KCTD19: variants seen among roughly 807,000 people sequenced by gnomAD.
KCTD19 encodes potassium channel tetramerization domain containing 19.
In KCTD19, 67 loss-of-function variants were observed where a neutral mutation model predicts 103.5. That is an observed-to-expected ratio of 0.65 (90% CI 0.53 to 0.79). The LOEUF is 0.79. KCTD19 is among the 30% of genes least tolerant of loss of function. KCTD19 has a pLI of 0.00. For synonymous variants in KCTD19, 439 were observed against 452.2 expected (o/e 0.97, Z 0.37); for missense variants, 980 against 1,136.1 (o/e 0.86, Z 1.98).
chr16:67,298,427 C>T (rs562919576), intron 6 of KCTD19, among the ~76,000 whole-genome samples: 3 of 152,254 alleles, frequency 2.0e-5, no homozygotes, highest in South Asian at 2.1e-4. Context: ...GTCTCCAGGC[C>T]GTGTTTCCGG....
chr16:67,312,639 C>T (rs1419161742), intron 2 of KCTD19, among the ~76,000 whole-genome samples: 1 of 152,280 alleles, frequency 6.6e-6, no homozygotes, highest in Non-Finnish European at 1.5e-5. Context: ...ATCCTAACTC[C>T]TGATTTTCCT....
intron 1 of KCTD19, 132 bp from the exon 2 acceptor site, chr16:67,321,017 AC>A: frequency 1.2e-6 from 1 of 828,518 alleles, no homozygotes; most frequent in Non-Finnish European, 1.8e-6. Flanking sequence ...TAAGGAATTC[AC>A]CAGAAAACTA....
At chr16:67,295,864 C>T in intron 8 of KCTD19, 1 of 390,336 alleles carries the variant, frequency 2.6e-6, no homozygotes, top group Non-Finnish European at 4.8e-6. Context: ...GGTGCTTCAG[C>T]CTCCCAAGTA....
chr16:67,294,132 C>T lies in KCTD19; in HGVS notation c.1630G>A (p.Asp544Asn), dbSNP rs2036735997. 1 of 1,609,662 alleles carries T rather than the reference C, an allele frequency of 6.2e-7. No individual in the cohort carries two copies. The highest frequency in any genetic ancestry group is 8.5e-7 in the Non-Finnish European group (1 of 1,176,386). Reference protein sequence around the residue: ...YMPVDFEDCSDRTPWNKAKGN... With the variant: ...YMPVDFEDCSNRTPWNKAKGN... ...TTAGCCTTGTTCCATGGAGTCCTGTCACTGCAGTCTTCGAAGTCCACAGGC... is the reference window on the plus strand; with the variant it reads ...TTAGCCTTGTTCCATGGAGTCCTGTTACTGCAGTCTTCGAAGTCCACAGGC... Residue 544 changes from aspartate to asparagine, a missense_variant, in exon 12 of 16, where the codon GAC becomes AAC. By Grantham distance (23) the Asp-to-Asn change is conservative (BLOSUM62 1). Transcript: ENST00000304372.
intron 1 of KCTD19, among the ~76,000 whole-genome samples, chr16:67,324,959 T>C (rs1393053842): frequency 6.6e-6 from 1 of 152,172 alleles, no homozygotes; most frequent in Non-Finnish European, 1.5e-5. Context: ...AAGTTCATGT[T>C]CAGGCAAAGG....
intron 2 of KCTD19, among the ~76,000 whole-genome samples, chr16:67,309,128 CAA>C (rs60872060): frequency 4.3e-4 from 33 of 75,876 alleles, no homozygotes; most frequent in Admixed American, 4.9e-4. Context: ...GACTTCAGCT[CAA>C]AAAAAAAAAA....
chr16:67,292,601 C>A (rs980584249), intron 12 of KCTD19, among the ~76,000 whole-genome samples: 1 of 152,152 alleles, frequency 6.6e-6, no homozygotes, highest in Non-Finnish European at 1.5e-5. Flanking sequence ...TCCAAGAAGG[C>A]CCCTCCAAGC....
At position 67,289,596 on chromosome 16, in the gene KCTD19, G is replaced by A; in HGVS notation, c.2754C>T (p.Ile918=). Reference sequence around the variant, plus strand: ...AGTCCTCTTGTAGGTACTTTCCCAGGATGGAGTAAGAGACAGACCTAGACA... The same window carrying A: ...AGTCCTCTTGTAGGTACTTTCCCAGAATGGAGTAAGAGACAGACCTAGACA... ...RGLSRSVSYS[I]LGKYLQED The change falls in exon 16 of 16, where the codon ATC becomes ATT. Residue 918 remains isoleucine, a synonymous_variant. Coordinates refer to ENST00000304372, the MANE Select transcript of KCTD19 (RefSeq NM_001100915.3). The A allele has an allele frequency of 5.0e-6, 8 of 1,613,630 alleles. No homozygotes were observed. Among genetic ancestry groups the A allele is most frequent in the Non-Finnish European group, 6.8e-6 (8 of 1,179,556 alleles).
Position 67,293,742 on chromosome 16 carries a change from T to G in KCTD19, c.2020A>C (p.Ser674Arg). ...GTGCTGGGCTGGGAAGCAGCCTCGC[T>G]TCCCAAGGGGAGCTGCAGGGTGGCC... ...EEATLQLPLGSEAASQPSTSA... is the reference protein window; with the variant it reads ...EEATLQLPLGREAASQPSTSA... Residue 674 changes from serine to arginine, a missense_variant, in exon 12 of 16, where the codon AGC becomes CGC. Physicochemically the swap from Ser to Arg is moderately radical, Grantham distance 110. Transcript: ENST00000304372. The surrounding 1 kb of genome is among the most constrained non-coding windows in gnomAD (Gnocchi z 4.0). 3.7e-6 allele frequency: 6 copies of G among 1,614,052 alleles called. No individual in the cohort carries two copies. The highest frequency in any genetic ancestry group is 5.1e-6 in the Non-Finnish European group (6 of 1,179,998).
At chr16:67,297,725 T>C in intron 6 of KCTD19, 62 bp from the exon 7 acceptor site, 1 of 1,533,250 alleles carries the variant, frequency 6.5e-7, no homozygotes, top group Non-Finnish European at 8.9e-7. Context: ...GAGTCGAGCC[T>C]GTAAACTTTC....
At chr16:67,314,551 TACA>T in intron 2 of KCTD19, among the ~76,000 whole-genome samples, 1 of 152,010 alleles carries the variant, frequency 6.6e-6, no homozygotes, top group Middle Eastern at 3.4e-3. Flanking sequence ...AATAGAATCA[TACA>T]ATATATGGTG....
At chr16:67,290,378 C>T (rs2036670309) in intron 15 of KCTD19, among the ~76,000 whole-genome samples, 2 of 152,044 alleles carry the variant, frequency 1.3e-5, no homozygotes, top group Admixed American at 1.3e-4. Context: ...CGGGGTTTCA[C>T]TGTGTTAGCC....
At chr16:67,292,629 T>C (rs2036712871) in intron 12 of KCTD19, among the ~76,000 whole-genome samples, 1 of 152,076 alleles carries the variant, frequency 6.6e-6, no homozygotes, top group African/African-American at 2.4e-5. Flanking sequence ...GAGCCACTAA[T>C]AGGGAAGGTG....
chr16:67,303,313 C>T lies in KCTD19; in HGVS notation c.476G>A (p.Gly159Glu), dbSNP rs1373082494. 6.2e-7 allele frequency: 1 copy of T among 1,612,698 alleles called. No individual in the cohort carries two copies. Among genetic ancestry groups the T allele is most frequent in the Non-Finnish European group, 8.5e-7 (1 of 1,179,382 alleles). ...FTGLHDKAPL[G>E]LMDTPLLDTE... Reference sequence around the variant, plus strand: ...GTCTAACAGGGGTGTGTCCATGAGCCCCAGAGGTGCCTTATCATGTAGGCC... The same window carrying T: ...GTCTAACAGGGGTGTGTCCATGAGCTCCAGAGGTGCCTTATCATGTAGGCC... Residue 159 changes from glycine (G) to glutamate (E), a missense_variant, in exon 4 of 16, where the codon GGG becomes GAG. Coordinates refer to ENST00000304372, the MANE Select transcript of KCTD19 (RefSeq NM_001100915.3). This position sits in a 1 kb window ranked among gnomAD's most constrained non-coding sequence, Gnocchi z 4.3.
At chr16:67,324,409 C>A (rs1237219084) in intron 1 of KCTD19, among the ~76,000 whole-genome samples, 1 of 152,118 alleles carries the variant, frequency 6.6e-6, no homozygotes, top group Non-Finnish European at 1.5e-5. Flanking sequence ...GATTGGACTG[C>A]AATGTACTGA....
At chr16:67,297,042 G>T (rs1217272979) in intron 7 of KCTD19, among the ~76,000 whole-genome samples, 1 of 152,194 alleles carries the variant, frequency 6.6e-6, no homozygotes, top group Non-Finnish European at 1.5e-5. Flanking sequence ...TTGGTAATAA[G>T]AAGTTATAGG....
At chr16:67,305,778 G>A (rs2036886258) in intron 2 of KCTD19, among the ~76,000 whole-genome samples, 1 of 152,118 alleles carries the variant, frequency 6.6e-6, no homozygotes, top group South Asian at 2.1e-4. Flanking sequence ...CCCAGATTTA[G>A]TCTGAAACTA....
At chr16:67,296,096 G>T in intron 8 of KCTD19, 63 bp downstream of exon 8, 1 of 952,740 alleles carries the variant, frequency 1.0e-6, no homozygotes. Context: ...CCAGGTGATG[G>T]CCCCCAGAGC....
chr16:67,311,078 T>G (rs1295228199), intron 2 of KCTD19, among the ~76,000 whole-genome samples: 2 of 152,218 alleles, frequency 1.3e-5, no homozygotes, highest in Non-Finnish European at 2.9e-5. Flanking sequence ...TTGTTAAGCA[T>G]GTGCAAATGC....
Sources: allele counts gnomAD v4.1 joint callset (sites outside exome capture counted in the v4.1 genomes callset), GRCh38; gene constraint gnomAD v4.1.1; non-coding constraint Gnocchi (gnomAD v3.1); transcripts MANE v1.5; gene names NCBI Gene and HGNC (gene_info 2026-07-23, HGNC 2026-07-21).